CADPS2: variants seen among roughly 807,000 people sequenced by gnomAD.
CADPS2 encodes the protein calcium dependent secretion activator 2, also known as calcium-dependent secretion activator 2.
In CADPS2, 93 loss-of-function variants were observed where a neutral mutation model predicts 172.5. That is an observed-to-expected ratio of 0.54 (90% CI 0.46 to 0.64). The LOEUF (loss-of-function observed/expected upper bound fraction) is 0.64, where lower values mean the gene tolerates loss of function less well. Ranked by LOEUF, CADPS2 falls within the 30% of genes least tolerant of loss-of-function variation. The pLI, the probability that CADPS2 is intolerant of heterozygous loss-of-function variation, is 0.00. For synonymous variants in CADPS2, 546 were observed against 555.2 expected, an observed-to-expected ratio of 0.98 and a Z score of 0.23; for missense variants, 1,420 against 1,565.9, an observed-to-expected ratio of 0.91 and a Z score of 1.57.
intron 3 of CADPS2, among the ~76,000 whole-genome samples, chr7:122,641,832 T>C (rs79494691): frequency 0.014 from 2,065 of 151,912 alleles, 43 homozygotes; most frequent in African/African-American, 0.046. Context: ...CTACAAAAGT[T>C]GTGGCTCTCC....
chr7:122,727,954 G>A lies in CADPS2; in HGVS notation c.453+9001C>T, dbSNP rs561584937. ...ATATCACTTCTCATTACTGGTTATG[G>A]ATTTCATCTATGAATGTGTTGACAT... On this transcript the variant is annotated intron_variant, in intron 2 of 29. Transcript: ENST00000449022. Among the ~76,000 whole-genome samples, 102 of 151,950 alleles carry A rather than the reference G, an allele frequency of 6.7e-4. No individual in the cohort carries two copies. The Middle Eastern group carries it at 0.02, about 30-fold the overall frequency.
chr7:122,794,478 G>T (rs185970349), intron 1 of CADPS2, among the ~76,000 whole-genome samples: 2 of 151,862 alleles, frequency 1.3e-5, no homozygotes, highest in Admixed American at 1.3e-4. Context: ...TTCTATACTG[G>T]CTATTTTGTC....
rs2080821825 is a variant in CADPS2, at chr7:122,663,330, T to C, written c.693A>G (p.Glu231=). The C allele has an allele frequency of 6.2e-7, 1 of 1,613,954 alleles. No homozygotes were observed. The highest frequency in any genetic ancestry group is 2.2e-5 in the East Asian group (1 of 44,878). ...PNRMALSAVS[E]LILSKEQLYE... is the part of the protein sequence containing the mutation. ...AGAGTTGTTCCTTGCTCAGAATAAG[T>C]TCAGACACTGCACTTAGGGCCATTC... is the stretch of plus-strand genomic sequence containing the variant. Residue 231 remains glutamate, a synonymous_variant, in exon 3 of 30, where the codon GAA becomes GAG. Coordinates refer to ENST00000449022, the MANE Select transcript of CADPS2 (RefSeq NM_017954.11).
chr7:122,622,962 A>T (rs1163614142), intron 4 of CADPS2, among the ~76,000 whole-genome samples: 1 of 152,220 alleles, frequency 6.6e-6, no homozygotes, highest in East Asian at 1.9e-4. Context: ...TTCACAGATC[A>T]GTCCCAGAGT....
At chr7:122,345,758 A>G in intron 27 of CADPS2, 77 bp from the exon 28 acceptor site, 1 of 963,316 alleles carries the variant, frequency 1.0e-6, no homozygotes, top group Non-Finnish European at 1.6e-6. Context: ...TCATACCCTG[A>G]AAAATAATTT....
At chr7:122,521,777 C>T (rs2060818314) in intron 8 of CADPS2, among the ~76,000 whole-genome samples, 1 of 152,012 alleles carries the variant, frequency 6.6e-6, no homozygotes, top group Non-Finnish European at 1.5e-5. Flanking sequence ...AAAGCAAATG[C>T]ATAAAACATA....
chr7:122,541,786 TA>T (rs1240416803), intron 8 of CADPS2, among the ~76,000 whole-genome samples: 1 of 104,762 alleles, frequency 9.5e-6, no homozygotes, highest in African/African-American at 2.9e-5. Context: ...TATATTCATA[TA>T]TTTATATATT....
At chr7:122,483,403 CT>C (rs1367817904) in intron 11 of CADPS2, among the ~76,000 whole-genome samples, 2 of 151,960 alleles carry the variant, frequency 1.3e-5, no homozygotes, top group African/African-American at 2.4e-5. Flanking sequence ...AAAATAAATA[CT>C]TTTTTTCGTA....
chr7:122,417,660 G>T (rs148712708), intron 17 of CADPS2, among the ~76,000 whole-genome samples: 1 of 152,160 alleles, frequency 6.6e-6, no homozygotes, highest in Non-Finnish European at 1.5e-5. Flanking sequence ...GGCCGCTCTA[G>T]CTGTTCTAAT....
At chr7:122,398,951 G>A (rs1452485372) in intron 20 of CADPS2, among the ~76,000 whole-genome samples, 1 of 151,888 alleles carries the variant, frequency 6.6e-6, no homozygotes, top group Non-Finnish European at 1.5e-5. Flanking sequence ...GAAACACACT[G>A]GATTCTATTG....
At chr7:122,528,872 T>G (rs1300990541) in intron 8 of CADPS2, among the ~76,000 whole-genome samples, 1 of 152,156 alleles carries the variant, frequency 6.6e-6, no homozygotes, top group Non-Finnish European at 1.5e-5. Flanking sequence ...TGATACTTTC[T>G]TGACAAGTTT....
chr7:122,638,121 C>T (rs928718403), intron 3 of CADPS2, among the ~76,000 whole-genome samples: 1 of 152,152 alleles, frequency 6.6e-6, no homozygotes, highest in African/African-American at 2.4e-5. Context: ...GGAGGAGCCC[C>T]TTCTGATCAC....
intron 20 of CADPS2, among the ~76,000 whole-genome samples, chr7:122,399,656 GTTTCTTTTTTTTTTTTTTTTTTTTTTTTT>G (rs1259816269): frequency 3.2e-5 from 3 of 94,550 alleles, no homozygotes; most frequent in Non-Finnish European, 4.7e-5. Flanking sequence ...TCAAGGGTGG[GTTTCTTTTTTTTTTTTTTTTTTTTTTTTT>G]TTTTTTTTTT....
intron 1 of CADPS2, among the ~76,000 whole-genome samples, chr7:122,873,640 T>A (rs1165021442): frequency 6.6e-6 from 1 of 152,230 alleles, no homozygotes; most frequent in Non-Finnish European, 1.5e-5. Context: ...TACGTGTGCA[T>A]GTGTCCTTAT....
At position 122,459,531 on chromosome 7, in the gene CADPS2, C is replaced by T. The variant is rs564424670; in HGVS notation, c.2187-8056G>A. On this transcript the variant is annotated intron_variant, in intron 14 of 29. Coordinates refer to ENST00000449022, the MANE Select transcript of CADPS2 (RefSeq NM_017954.11). ...TTCCTGCAACCTCACCAACTGTAGTCTTTATCCTTTGTTATAATCATTTTC... is the reference window on the plus strand; with the variant it reads ...TTCCTGCAACCTCACCAACTGTAGTTTTTATCCTTTGTTATAATCATTTTC... Among the ~76,000 whole-genome samples the T allele has an allele frequency of 1.9e-3, 284 of 152,142 alleles. 1 individual carries two copies. The highest frequency in any genetic ancestry group is 6.4e-3 in the African/African-American group (267 of 41,504).
chr7:122,459,837 A>G (rs1000436642), intron 14 of CADPS2, among the ~76,000 whole-genome samples: 3 of 152,204 alleles, frequency 2.0e-5, no homozygotes, highest in African/African-American at 7.2e-5. Flanking sequence ...CACAACAGAA[A>G]TGGTTTCTGC....
chr7:122,468,079 C>G, intron 14 of CADPS2, among the ~76,000 whole-genome samples: 1 of 152,142 alleles, frequency 6.6e-6, no homozygotes, highest in East Asian at 1.9e-4. Context: ...AAAGAACACA[C>G]CTAGAGAGCT....
chr7:122,487,410 A>ATC (rs1339399122), intron 11 of CADPS2, among the ~76,000 whole-genome samples: 1 of 152,170 alleles, frequency 6.6e-6, no homozygotes, highest in Admixed American at 6.5e-5. Flanking sequence ...AACCCACAAT[A>ATC]TCTCCTAGGT....
At chr7:122,388,410 A>C (rs1227054621) in intron 23 of CADPS2, among the ~76,000 whole-genome samples, 173 bp downstream of exon 23, 1 of 152,120 alleles carries the variant, frequency 6.6e-6, no homozygotes, top group Non-Finnish European at 1.5e-5. Context: ...AGCCAATTTC[A>C]TCAATTACAT....
Sources: gnomAD v4.1 joint callset for allele counts (sites outside exome capture counted in the v4.1 genomes callset) on GRCh38, gnomAD v4.1.1 for gene constraint, MANE v1.5 for transcripts, NCBI Gene and HGNC (gene_info 2026-07-23, HGNC 2026-07-21) for gene names.